The following SLC24A2 variants were observed in gnomAD, a reference collection of about 807,000 sequenced individuals.
SLC24A2 encodes the protein solute carrier family 24 member 2.
A neutral mutation model predicts 62.0 loss-of-function variants in SLC24A2; 36 were observed. The observed-to-expected ratio is 0.58, with a 90% confidence interval of 0.44 to 0.77. The LOEUF (loss-of-function observed/expected upper bound fraction) is 0.77, where lower values mean the gene tolerates loss of function less well. SLC24A2 is among the 30% of genes least tolerant of loss of function. The probability of loss-of-function intolerance (pLI) is 0.00; values close to 1 mark genes in which losing one functional copy is unlikely to be tolerated. For synonymous variants in SLC24A2, 358 were observed against 294.0 expected (o/e 1.22, Z -2.23); for missense variants, 846 against 817.9 (o/e 1.03, Z -0.42).
chr9:20,101,581 A>C, the SLC24A2 span, among the ~76,000 whole-genome samples: 1 of 152,166 alleles, frequency 6.6e-6, no homozygotes, highest in African/African-American at 2.4e-5. Context: ...ACCTCTTGGA[A>C]GACTAAACTC....
chr9:19,529,513 G>A (rs552087215), intron 8 of SLC24A2, among the ~76,000 whole-genome samples: 14 of 152,166 alleles, frequency 9.2e-5, no homozygotes, highest in South Asian at 2.1e-4. Context: ...TTGTGGGGCC[G>A]TTTGTTAGCT....
the SLC24A2 span, among the ~76,000 whole-genome samples, chr9:19,952,148 A>G: frequency 6.6e-6 from 1 of 152,062 alleles, no homozygotes; most frequent in Admixed American, 6.6e-5. Flanking sequence ...TATAGAAACA[A>G]TTGATTTTTG....
At chr9:19,566,209 C>G (rs1350524776) in intron 7 of SLC24A2, among the ~76,000 whole-genome samples, 1 of 149,588 alleles carries the variant, frequency 6.7e-6, no homozygotes, top group Non-Finnish European at 1.5e-5. Flanking sequence ...TTTTTGCAAT[C>G]TACTCATCTG....
the SLC24A2 span, among the ~76,000 whole-genome samples, chr9:20,067,539 C>A: frequency 4.6e-5 from 7 of 152,024 alleles, no homozygotes; most frequent in East Asian, 1.3e-3. Flanking sequence ...ACTCTCTCTC[C>A]TTCTCCCATC....
At chr9:19,542,038 G>A (rs1246130379) in intron 8 of SLC24A2, among the ~76,000 whole-genome samples, 1 of 152,204 alleles carries the variant, frequency 6.6e-6, no homozygotes, top group African/African-American at 2.4e-5. Flanking sequence ...CTTCCCAGGT[G>A]AGGCAATGCC....
At chr9:19,660,821 A>C (rs950552506) in intron 2 of SLC24A2, among the ~76,000 whole-genome samples, 9 of 152,168 alleles carry the variant, frequency 5.9e-5, no homozygotes, top group South Asian at 4.1e-4. Flanking sequence ...TTTATAGGTT[A>C]TCTTATTTAA....
chr9:19,757,017 T>G (rs910808316), intron 2 of SLC24A2, among the ~76,000 whole-genome samples: 12 of 146,744 alleles, frequency 8.2e-5, no homozygotes, highest in African/African-American at 2.7e-4. Context: ...TCAGGCAATC[T>G]TCCTGACTCA....
At chr9:19,840,443 A>G in the SLC24A2 span, among the ~76,000 whole-genome samples, 339 of 152,156 alleles carry the variant, frequency 2.2e-3, 1 homozygote, top group African/African-American at 6.7e-3. Context: ...ATACTTCCCA[A>G]TTTCCCTATT....
chr9:20,177,558 T>C, the SLC24A2 span, among the ~76,000 whole-genome samples: 1 of 152,018 alleles, frequency 6.6e-6, no homozygotes, highest in Non-Finnish European at 1.5e-5. Context: ...TGAGAGGAAG[T>C]GAGTGGTATG....
intron 4 of SLC24A2, among the ~76,000 whole-genome samples, chr9:19,606,734 A>G (rs1368620623): frequency 6.6e-6 from 1 of 152,226 alleles, no homozygotes; most frequent in Non-Finnish European, 1.5e-5. Flanking sequence ...CTCTTTACAA[A>G]TGTGTATGTG....
intron 2 of SLC24A2, among the ~76,000 whole-genome samples, chr9:19,765,938 A>T (rs1003483797): frequency 2.0e-5 from 3 of 152,058 alleles, no homozygotes; most frequent in Non-Finnish European, 4.4e-5. Context: ...ATACCAATCA[A>T]ATGTAGGTTT....
chr9:19,657,699 C>G (rs1021062259), intron 2 of SLC24A2, among the ~76,000 whole-genome samples: 10 of 152,166 alleles, frequency 6.6e-5, no homozygotes, highest in African/African-American at 2.2e-4. Context: ...TCTCAGATGT[C>G]ACACTGCAGA....
intron 10 of SLC24A2, among the ~76,000 whole-genome samples, chr9:19,518,387 A>G (rs1440579732): frequency 6.6e-6 from 1 of 151,998 alleles, no homozygotes; most frequent in Admixed American, 6.6e-5. Flanking sequence ...ATTGATCTTT[A>G]AGCTTTATTT....
the SLC24A2 span, among the ~76,000 whole-genome samples, chr9:20,009,524 AC>A: frequency 1.2e-4 from 18 of 152,086 alleles, no homozygotes; most frequent in Admixed American, 4.6e-4. Flanking sequence ...GCATCACACT[AC>A]AGAAAACATG....
the SLC24A2 span, among the ~76,000 whole-genome samples, chr9:19,915,325 A>T: frequency 1.3e-5 from 2 of 152,210 alleles, no homozygotes; most frequent in East Asian, 1.9e-4. Flanking sequence ...TTGTTTATCC[A>T]TTCATCAATT....
chr9:19,896,884 G>C, the SLC24A2 span, among the ~76,000 whole-genome samples: 1 of 152,268 alleles, frequency 6.6e-6, no homozygotes, highest in Admixed American at 6.5e-5. Context: ...AAAATGTCTT[G>C]TTATGCATGT....
the SLC24A2 span, among the ~76,000 whole-genome samples, chr9:19,820,030 TATATATATATACATATATATATATAC>T: frequency 2.3e-4 from 6 of 26,568 alleles, no homozygotes; most frequent in African/African-American, 4.1e-4. Flanking sequence ...TATATACACA[TATATATATATACATATATATATATAC>T]ACATATATAT....
At chr9:19,664,378 C>T (rs1358411795) in intron 2 of SLC24A2, among the ~76,000 whole-genome samples, 1 of 152,204 alleles carries the variant, frequency 6.6e-6, no homozygotes, top group Non-Finnish European at 1.5e-5. Flanking sequence ...CTGCCATTTA[C>T]AGCATGGTAT....
chr9:20,159,480 A>C, the SLC24A2 span, among the ~76,000 whole-genome samples: 1 of 151,708 alleles, frequency 6.6e-6, no homozygotes, highest in Admixed American at 6.6e-5. Flanking sequence ...CCAATATATA[A>C]GTAGAAATTT....
Sources: gnomAD v4.1 joint callset for allele counts (sites outside exome capture counted in the v4.1 genomes callset) on GRCh38, gnomAD v4.1.1 for gene constraint, MANE v1.5 for transcripts, NCBI Gene and HGNC (gene_info 2026-07-23, HGNC 2026-07-21) for gene names.